Variants in NUDT9 observed in about 807,000 individuals in gnomAD.
The protein encoded by NUDT9 is ADP-ribose pyrophosphatase.
NUDT9 carries 31 observed loss-of-function variants against 41.0 expected under a neutral mutation model. That is an observed-to-expected ratio of 0.76 (90% confidence interval 0.57 to 1.02). NUDT9 has a LOEUF of 1.02. Among genes scored for constraint, NUDT9 ranks in the 50% least tolerant of loss-of-function variants. The pLI is 0.00. For synonymous variants in NUDT9, 146 were observed against 147.6 expected (o/e 0.99, Z 0.08); for missense variants, 380 against 431.4 (o/e 0.88, Z 1.06).
Position 87,422,592 on chromosome 4 carries a change from C to T in NUDT9, c.-314C>T. ...TGCTTTGCGGCGCGGCCGTAAAGCGCCATTACGCAGAGAGAAAGTTACGAG... is the reference window on the plus strand; with the variant it reads ...TGCTTTGCGGCGCGGCCGTAAAGCGTCATTACGCAGAGAGAAAGTTACGAG... On this transcript the variant is annotated 5_prime_UTR_variant, in exon 1 of 8. Transcript: ENST00000302174. 1 of 259,548 alleles carries T rather than the reference C, an allele frequency of 3.9e-6. No homozygotes were observed. The highest frequency in any genetic ancestry group is 7.2e-6 in the Non-Finnish European group (1 of 138,304). The allele number at this position is 259,548 out of a possible 1,614,324, so 16.1% of individuals were successfully genotyped here. A position where few individuals can be genotyped will look rare whatever the true frequency, so the allele number is the denominator to read the frequency against.
At chr4:87,430,667 G>C (rs1384467078) in intron 1 of NUDT9, among the ~76,000 whole-genome samples, 1 of 151,992 alleles carries the variant, frequency 6.6e-6, no homozygotes, top group South Asian at 2.1e-4. Context: ...GTTTTGACTT[G>C]CTTTTGTCTA....
At chr4:87,452,023 G>A (rs1413030652) in intron 6 of NUDT9, among the ~76,000 whole-genome samples, 1 of 149,404 alleles carries the variant, frequency 6.7e-6, no homozygotes, top group African/African-American at 2.5e-5. Flanking sequence ...TTTTTTTTGA[G>A]ATGGAGTCTC....
intron 6 of NUDT9, among the ~76,000 whole-genome samples, chr4:87,452,652 A>T (rs935687403): frequency 6.6e-6 from 1 of 151,274 alleles, no homozygotes; most frequent in Non-Finnish European, 1.5e-5. Context: ...ATGGGGTTTT[A>T]CCATGTTGTC....
intron 3 of NUDT9, among the ~76,000 whole-genome samples, chr4:87,438,662 CAG>C (rs1292542700): frequency 6.6e-6 from 1 of 151,974 alleles, no homozygotes; most frequent in Non-Finnish European, 1.5e-5. Context: ...AATACATTAA[CAG>C]AAAGAAAAAT....
chr4:87,454,682 A>G (rs1480189514), intron 7 of NUDT9, among the ~76,000 whole-genome samples: 1 of 152,246 alleles, frequency 6.6e-6, no homozygotes, highest in African/African-American at 2.4e-5. Context: ...CATTGGTAAC[A>G]TTTGAAATTA....
chr4:87,450,642 G>T (rs1722671836), intron 5 of NUDT9, among the ~76,000 whole-genome samples: 1 of 152,130 alleles, frequency 6.6e-6, no homozygotes, highest in African/African-American at 2.4e-5. Flanking sequence ...CTCCCAAAGT[G>T]CTGGGATTAC....
chr4:87,453,833 A>ATTTCTTTCTTTT (rs1722864331), intron 6 of NUDT9, among the ~76,000 whole-genome samples: 1 of 146,818 alleles, frequency 6.8e-6, no homozygotes, highest in Non-Finnish European at 1.5e-5. Flanking sequence ...TGATATTTAC[A>ATTTCTTTCTTTT]TTTCTTTCTT....
At chr4:87,457,499 A>AT (rs543136021) in intron 7 of NUDT9, among the ~76,000 whole-genome samples, 1 of 151,858 alleles carries the variant, frequency 6.6e-6, no homozygotes, top group Non-Finnish European at 1.5e-5. Context: ...AGCTTTGTTT[A>AT]TTTTTTTACA....
At chr4:87,441,007 T>C (rs2110175363) in intron 3 of NUDT9, among the ~76,000 whole-genome samples, 1 of 152,094 alleles carries the variant, frequency 6.6e-6, no homozygotes, top group South Asian at 2.1e-4. Flanking sequence ...ACAAAAACAA[T>C]ATAAAAATTC....
At chr4:87,444,400 C>T (rs1722355675) in intron 4 of NUDT9, among the ~76,000 whole-genome samples, 1 of 152,064 alleles carries the variant, frequency 6.6e-6, no homozygotes, top group Admixed American at 6.6e-5. Context: ...CTTTACCCAA[C>T]CCCAAATTTT....
rs182757698 is a variant in NUDT9, at chr4:87,424,395, G to A, written c.107+1383G>A. Among the ~76,000 whole-genome samples the A allele has an allele frequency of 5.3e-5, 8 of 152,000 alleles. No homozygotes were observed. The East Asian group carries it at 1.6e-3, about 30-fold the overall frequency. On this transcript the variant is annotated intron_variant, in intron 1 of 7. Coordinates refer to ENST00000302174, the MANE Select transcript of NUDT9 (RefSeq NM_024047.5). ...CTGCCTCAGCCTCTTGAGTAGCTGA[G>A]ATTACTGGCGCGCGCACGCCCGGCT...
At chr4:87,424,254 GTTTT>G (rs147874067) in intron 1 of NUDT9, among the ~76,000 whole-genome samples, 1,987 of 99,086 alleles carry the variant, frequency 0.02, 19 homozygotes, top group African/African-American at 0.047. Context: ...TCCCTAATGC[GTTTT>G]TTTTTTTTTT....
At chr4:87,451,769 C>T (rs763626019) in intron 6 of NUDT9, 34 bp downstream of exon 6, 1 of 1,579,222 alleles carries the variant, frequency 6.3e-7, no homozygotes, top group South Asian at 1.1e-5. Context: ...GGATTTAGTT[C>T]TGTGGATTGA....
chr4:87,452,527 T>C (rs766437965), intron 6 of NUDT9, among the ~76,000 whole-genome samples: 2 of 151,892 alleles, frequency 1.3e-5, no homozygotes, highest in Non-Finnish European at 2.9e-5. Flanking sequence ...TATGGCTCAC[T>C]GCAGTTTTGA....
chr4:87,442,043 G>T, intron 4 of NUDT9, 128 bp downstream of exon 4: 1 of 633,542 alleles, frequency 1.6e-6, no homozygotes, highest in Non-Finnish European at 2.7e-6. Flanking sequence ...GTATATATAT[G>T]TATGTATACA....
intron 1 of NUDT9, among the ~76,000 whole-genome samples, chr4:87,426,415 C>CTT (rs1165126000): frequency 1.4e-5 from 2 of 144,444 alleles, no homozygotes; most frequent in African/African-American, 5.0e-5. Flanking sequence ...TTCTTATTTC[C>CTT]TTTTTTTTTT....
chr4:87,426,455 G>A (rs563381307), intron 1 of NUDT9, among the ~76,000 whole-genome samples: 114 of 151,590 alleles, frequency 7.5e-4, no homozygotes, highest in Middle Eastern at 3.4e-3. Flanking sequence ...TGTCGCCCCA[G>A]CTGGTGTGCA....
chr4:87,455,128 A>G (rs986564869), intron 7 of NUDT9, among the ~76,000 whole-genome samples: 13 of 152,218 alleles, frequency 8.5e-5, no homozygotes, highest in Non-Finnish European at 1.6e-4. Context: ...TGCTAGAGAA[A>G]TGAAATGAAT....
At chr4:87,428,014 A>C (rs73839777) in intron 1 of NUDT9, among the ~76,000 whole-genome samples, 1 of 152,190 alleles carries the variant, frequency 6.6e-6, no homozygotes, top group Non-Finnish European at 1.5e-5. Flanking sequence ...GAGGCAAGAA[A>C]GTTGTCATAA....
Sources: allele counts gnomAD v4.1 joint callset (sites outside exome capture counted in the v4.1 genomes callset), GRCh38; gene constraint gnomAD v4.1.1; transcripts MANE v1.5; gene names NCBI Gene and HGNC (gene_info 2026-07-23, HGNC 2026-07-21).